WASHC2C: variants seen among roughly 807,000 people sequenced by gnomAD.
WASHC2C encodes the protein Vaccinia Penetration Factor.
Under a neutral mutation model 142.2 loss-of-function variants are expected in WASHC2C, and 73 were observed. The observed-to-expected ratio is 0.51, with a 90% confidence interval of 0.43 to 0.62. WASHC2C has a LOEUF of 0.62. Among genes scored for constraint, WASHC2C ranks in the 20% least tolerant of loss-of-function variants. WASHC2C has a pLI of 0.00. For missense variants in WASHC2C, 969 were observed against 1,531.7 expected (o/e 0.63, Z 6.13); for synonymous variants, 337 against 565.5 (o/e 0.60, Z 5.73).
At chr10:45,760,860 G>A (rs1359725601) in intron 17 of WASHC2C, among the ~76,000 whole-genome samples, 1 of 149,976 alleles carries the variant, frequency 6.7e-6, no homozygotes, top group South Asian at 2.1e-4. Context: ...ACTAAAGTAC[G>A]TGCCATGAGG....
At chr10:45,739,257 CT>C (rs1554866194) in intron 4 of WASHC2C, among the ~76,000 whole-genome samples, 1 of 149,614 alleles carries the variant, frequency 6.7e-6, no homozygotes. Context: ...GACTTCAGTA[CT>C]TGAGATAAAA....
rs1163828420 is a variant in WASHC2C at position 45,790,552 on chromosome 10, A to G, written c.3886+19A>G. 8 of 1,611,856 alleles carry G rather than the reference A, an allele frequency of 5.0e-6. No individual in the cohort carries two copies. The highest frequency in any genetic ancestry group is 6.8e-6 in the Non-Finnish European group (8 of 1,179,832). On this transcript the variant is annotated intron_variant, in intron 30 of 30. Coordinates refer to ENST00000623400, the MANE Select transcript of WASHC2C (RefSeq NM_001330074.2). ...GATATGGGTAAGTTTGGTTTTCTAC[A>G]TCTGACCTAGAGAATTCTTACCTTT...
intron 26 of WASHC2C, 126 bp downstream of exon 26, chr10:45,785,757 G>A: frequency 6.4e-7 from 1 of 1,573,314 alleles, no homozygotes. Context: ...CAGGGCTACA[G>A]CTTTGTCTTC....
intron 28 of WASHC2C, among the ~76,000 whole-genome samples, 159 bp downstream of exon 28, chr10:45,787,406 C>G (rs1162309756): frequency 6.7e-6 from 1 of 149,990 alleles, no homozygotes; most frequent in African/African-American, 2.4e-5. Context: ...ATTCTCCCCA[C>G]CCCCCTCATC....
chr10:45,732,185 A>G (rs1475779738), intron 3 of WASHC2C, among the ~76,000 whole-genome samples: 2 of 152,166 alleles, frequency 1.3e-5, no homozygotes, highest in Non-Finnish European at 2.9e-5. Flanking sequence ...ATTTGGTTTC[A>G]TGGTAATTTA....
At chr10:45,777,095 G>C (rs559508507) in intron 21 of WASHC2C, among the ~76,000 whole-genome samples, 178 bp from the exon 22 acceptor site, 1 of 151,566 alleles carries the variant, frequency 6.6e-6, no homozygotes, top group Non-Finnish European at 1.5e-5. Flanking sequence ...CACAAGTCCC[G>C]GGTGGTGGTG....
At chr10:45,784,263 T>TATATATAC (rs2057775705) in intron 23 of WASHC2C, among the ~76,000 whole-genome samples, 1 of 4,926 alleles carries the variant, frequency 2.0e-4, no homozygotes, top group Non-Finnish European at 5.6e-4. Flanking sequence ...TATATATATA[T>TATATATAC]ATATATATAT....
At chr10:45,757,640 C>G (rs188495333) in intron 16 of WASHC2C, among the ~76,000 whole-genome samples, 23 of 152,216 alleles carry the variant, frequency 1.5e-4, no homozygotes, top group African/African-American at 5.3e-4. Flanking sequence ...TTAAAATTAT[C>G]TCGCATATAG....
At chr10:45,758,661 G>A (rs1357662420) in intron 16 of WASHC2C, among the ~76,000 whole-genome samples, 1 of 148,816 alleles carries the variant, frequency 6.7e-6, no homozygotes, top group Non-Finnish European at 1.5e-5. Flanking sequence ...AGGCTGGAGT[G>A]TAGTGGTACA....
intron 21 of WASHC2C, among the ~76,000 whole-genome samples, chr10:45,776,964 G>A (rs2057140811): frequency 6.7e-6 from 1 of 149,982 alleles, no homozygotes; most frequent in Non-Finnish European, 1.5e-5. Context: ...GAGGAGTGAG[G>A]CAGAGAGAGA....
Position 45,786,631 on chromosome 10 carries a change from C to T in WASHC2C, c.2831C>T (p.Pro944Leu). 6.2e-7 allele frequency: 1 copy of T among 1,611,740 alleles called. No individual in the cohort carries two copies. The highest frequency in any genetic ancestry group is 1.1e-5 in the South Asian group (1 of 90,992). ...ACACAGGACTCATCAGGTCTCGCTCCATTTAAAACCAAAGAACCATCCACT... is the reference window on the plus strand; with the variant it reads ...ACACAGGACTCATCAGGTCTCGCTCTATTTAAAACCAAAGAACCATCCACT... ...ETPQDSSGLA[P>L]FKTKEPSTRI... Residue 944 changes from proline (P) to leucine (L), a missense_variant, in exon 27 of 31, where the codon CCA becomes CTA. Pro to Leu is a moderately conservative substitution (Grantham distance 98). Coordinates refer to ENST00000623400, the MANE Select transcript of WASHC2C (RefSeq NM_001330074.2).
At chr10:45,772,991 A>G (rs1554885193) in intron 20 of WASHC2C, among the ~76,000 whole-genome samples, 1 of 150,080 alleles carries the variant, frequency 6.7e-6, no homozygotes, top group Non-Finnish European at 1.5e-5. Flanking sequence ...CAGCGGTAAC[A>G]GCTGATGAAC....
At chr10:45,759,644 C>T (rs1459428458) in intron 17 of WASHC2C, among the ~76,000 whole-genome samples, 1 of 151,982 alleles carries the variant, frequency 6.6e-6, no homozygotes, top group Non-Finnish European at 1.5e-5. Context: ...CATGATGAAA[C>T]CCTGTCTCTA....
intron 6 of WASHC2C, among the ~76,000 whole-genome samples, chr10:45,744,591 C>A (rs2052573942): frequency 6.6e-6 from 1 of 152,184 alleles, no homozygotes; most frequent in African/African-American, 2.4e-5. Flanking sequence ...TTAAAGAGTA[C>A]AAGCAAGTTT....
chr10:45,735,473 G>C (rs1422734960), intron 3 of WASHC2C, among the ~76,000 whole-genome samples: 1 of 143,034 alleles, frequency 7.0e-6, no homozygotes, highest in Non-Finnish European at 1.5e-5. Flanking sequence ...ACTCCTGACC[G>C]CAGGTGATCC....
At position 45,784,240 on chromosome 10, in the gene WASHC2C, A is replaced by ATG. The variant is rs1190490955; in HGVS notation, c.2479-313_2479-312dup. Among the ~76,000 whole-genome samples the ATG allele has an allele frequency of 6.0e-3, 659 of 109,630 alleles. 4 individuals are homozygous for ATG. The highest frequency in any genetic ancestry group is 7.5e-3 in the Non-Finnish European group (410 of 54,794). The allele number at this position is 109,630 out of a possible 152,430, so 71.9% of individuals were successfully genotyped here. A position where few individuals can be genotyped will look rare whatever the true frequency, so the allele number is the denominator to read the frequency against. On this transcript the variant is annotated intron_variant, in intron 23 of 30. Coordinates refer to ENST00000623400, the MANE Select transcript of WASHC2C (RefSeq NM_001330074.2). ...CTAAAGCTTGTGCATATATATATAT[A>ATG]TGTGTGTGTGTGTATATATATATAT...
chr10:45,728,984 C>A lies in WASHC2C; in HGVS notation c.249C>A (p.Phe83Leu), dbSNP rs2050237410. ...KATDCRLHNV[F>L]NDFLMLSNTQ... ...CAGATTGTCGCCTGCATAATGTCTT[C>A]AATGACTTCCTTATGCTCTCTAATA... Residue 83 changes from phenylalanine (F) to leucine (L), a missense_variant, in exon 3 of 31, where the codon TTC becomes TTA. Transcript: ENST00000623400. 1 of 1,613,984 alleles carries A rather than the reference C, an allele frequency of 6.2e-7. No homozygotes were observed. The highest frequency in any genetic ancestry group is 8.5e-7 in the Non-Finnish European group (1 of 1,179,866).
At position 45,785,560 on chromosome 10, in the gene WASHC2C, A is replaced by G. The variant is rs782654072; in HGVS notation, c.2740A>G (p.Lys914Glu). 2 of 1,614,002 alleles carry G rather than the reference A, an allele frequency of 1.2e-6. No homozygotes were observed. Among genetic ancestry groups the G allele is most frequent in the Admixed American group, 1.7e-5 (1 of 60,012 alleles). Residue 914 changes from lysine to glutamate, a missense_variant, in exon 26 of 31, where the codon AAA becomes GAA. By Grantham distance (56) the Lys-to-Glu change is moderately conservative (BLOSUM62 1). Coordinates refer to ENST00000623400, the MANE Select transcript of WASHC2C (RefSeq NM_001330074.2). ...AAAAGACCACTCTGTTAACTCTTTCAAAAACCAGAAACATCCTGAATCCAT... is the reference window on the plus strand; with the variant it reads ...AAAAGACCACTCTGTTAACTCTTTCGAAAACCAGAAACATCCTGAATCCAT... ...VKKDHSVNSF[K>E]NQKHPESIQG...
At chr10:45,764,717 T>G (rs1554881541) in intron 18 of WASHC2C, among the ~76,000 whole-genome samples, 1 of 152,250 alleles carries the variant, frequency 6.6e-6, no homozygotes, top group Non-Finnish European at 1.5e-5. Flanking sequence ...GGCAAGTAAC[T>G]TAACCTTCCT....
Sources: gnomAD v4.1 joint callset for allele counts (sites outside exome capture counted in the v4.1 genomes callset) on GRCh38, gnomAD v4.1.1 for gene constraint, MANE v1.5 for transcripts, NCBI Gene and HGNC (gene_info 2026-07-23, HGNC 2026-07-21) for gene names.